KMT2C: variants seen among roughly 807,000 people sequenced by gnomAD.
The protein encoded by KMT2C is lysine methyltransferase 2C, also known as histone-lysine N-methyltransferase 2C.
Under a neutral mutation model 507.9 loss-of-function variants are expected in KMT2C, and 88 were observed. The ratio of observed to expected loss-of-function variants is 0.17; its 90% CI spans 0.15 to 0.21. The LOEUF (loss-of-function observed/expected upper bound fraction) is 0.21. KMT2C is among the 10% of genes least tolerant of loss of function. The pLI, the probability that KMT2C is intolerant of heterozygous loss-of-function variation, is 1.00. For missense variants in KMT2C, 4,954 were observed against 5,957.8 expected, an observed-to-expected ratio of 0.83 and a Z score of 5.55; for synonymous variants, 2,049 against 2,080.8, an observed-to-expected ratio of 0.98 and a Z score of 0.42.
chr7:152,147,717 A>AG (rs1473258417), intron 52 of KMT2C, among the ~76,000 whole-genome samples: 1 of 148,358 alleles, frequency 6.7e-6, no homozygotes, highest in Non-Finnish European at 1.5e-5. Flanking sequence ...CAAAAAAAAA[A>AG]AAAAAAAAAA....
At chr7:152,292,679 C>T (rs921389572) in intron 6 of KMT2C, among the ~76,000 whole-genome samples, 5 of 152,140 alleles carry the variant, frequency 3.3e-5, no homozygotes, top group African/African-American at 1.2e-4. Context: ...TTTGCTGACA[C>T]CTCCATCCAC....
rs1053583062 is a variant in KMT2C at position 152,181,459 on chromosome 7, G to A, written c.6401C>T (p.Pro2134Leu). 4 of 1,613,956 alleles carry A rather than the reference G, an allele frequency of 2.5e-6. No individual in the cohort carries two copies. The highest frequency in any genetic ancestry group is 3.4e-6 in the Non-Finnish European group (4 of 1,180,024). ...RPTSQDPYSQ[P>L]PGTPRPVVDS... The stretch of plus-strand genomic sequence containing the variant: ...TACAACAGGTCGTGGAGTTCCTGGG[G>A]GTTGGGAGTATGGGTCCTGAGATGT... Residue 2134 changes from proline to leucine, a missense_variant, in exon 36 of 59, where the codon CCC becomes CTC. This residue lies in a region of KMT2C where 1,689 missense variants were observed against 1,654.3 expected (regional missense o/e 1.02). Transcript: ENST00000262189.
rs1489591955 is a variant in KMT2C at position 152,136,849 on chromosome 7, G to T, written c.14719C>A (p.Arg4907=). ...IPCHCGAVNC[R]KWMN is the part of the protein sequence containing the mutation. ...AATGCATTTCAGTTCATCCACTTCC[G>T]GCAGTTCACAGCTCCACAGTGACAC... Residue 4907 remains arginine (R), a synonymous_variant, in exon 59 of 59, where the codon CGG becomes AGG. Coordinates refer to ENST00000262189, the MANE Select transcript of KMT2C (RefSeq NM_170606.3). The T allele has an allele frequency of 6.2e-7, 1 of 1,613,186 alleles. No homozygotes were observed. The highest frequency in any genetic ancestry group is 8.5e-7 in the Non-Finnish European group (1 of 1,179,678).
At chr7:152,169,602 T>C (rs2092872990) in intron 40 of KMT2C, among the ~76,000 whole-genome samples, 1 of 152,226 alleles carries the variant, frequency 6.6e-6, no homozygotes, top group Non-Finnish European at 1.5e-5. Context: ...GTTTACCTGG[T>C]TTCTTCTTCA....
chr7:152,204,954 A>G (rs905156558), intron 25 of KMT2C, 152 bp downstream of exon 25: 4 of 535,534 alleles, frequency 7.5e-6, no homozygotes, highest in African/African-American at 1.9e-5. Context: ...CCTTTCATCA[A>G]TAAAAGGCAA....
At chr7:152,431,773 T>C (rs1400875443) in intron 1 of KMT2C, among the ~76,000 whole-genome samples, 1 of 152,152 alleles carries the variant, frequency 6.6e-6, no homozygotes, top group Non-Finnish European at 1.5e-5. Context: ...ATATCAAAAA[T>C]TTTATCAGAT....
Position 152,177,517 on chromosome 7 carries a change from T to G in KMT2C, c.7936A>C (p.Met2646Leu), listed in dbSNP as rs2093256497. 2.5e-6 allele frequency: 4 copies of G among 1,614,226 alleles called. No homozygotes were observed. The highest frequency in any genetic ancestry group is 3.4e-6 in the Non-Finnish European group (4 of 1,180,040). Residue 2646 changes from methionine (M) to leucine (L), a missense_variant, in exon 38 of 59, where the codon ATG becomes CTG. By Grantham distance (15) the Met-to-Leu change is conservative. Around this residue, in one of 29 missense-constraint regions of KMT2C, gnomAD observed 1,689 missense variants for 1,654.3 expected, o/e 1.02. Transcript: ENST00000262189. The stretch of plus-strand genomic sequence containing the variant: ...CCTAGTGGATGGTTCAGAGTCCTCA[T>G]GACCATAGAAGATGAATGGACAGAA... ...GHSVHSSSMV[M>L]RTLNHPLGGE... is the part of the protein sequence containing the mutation.
At chr7:152,319,699 C>T (rs570707525) in intron 3 of KMT2C, among the ~76,000 whole-genome samples, 4 of 152,162 alleles carry the variant, frequency 2.6e-5, no homozygotes, top group African/African-American at 4.8e-5. Flanking sequence ...GCAGTGGTCA[C>T]GCTCCTAGTC....
intron 9 of KMT2C, among the ~76,000 whole-genome samples, chr7:152,261,689 T>C (rs2095781799): frequency 6.6e-6 from 1 of 152,190 alleles, no homozygotes; most frequent in Non-Finnish European, 1.5e-5. Context: ...AAACTTATAG[T>C]CTTAAATGTC....
At chr7:152,291,549 A>T (rs373653919) in intron 6 of KMT2C, among the ~76,000 whole-genome samples, 12 of 149,096 alleles carry the variant, frequency 8.0e-5, no homozygotes, top group East Asian at 4.0e-4. Context: ...ATCTTAGCGG[A>T]TTCCACTTCA....
intron 2 of KMT2C, among the ~76,000 whole-genome samples, chr7:152,348,432 T>C (rs1424378021): frequency 6.7e-6 from 1 of 149,784 alleles, no homozygotes; most frequent in Non-Finnish European, 1.5e-5. Flanking sequence ...CCCCGTATCT[T>C]CTAAAAATAC....
At chr7:152,357,455 C>T (rs2097161586) in intron 2 of KMT2C, among the ~76,000 whole-genome samples, 1 of 152,020 alleles carries the variant, frequency 6.6e-6, no homozygotes, top group South Asian at 2.1e-4. Context: ...ACCTGTGAAT[C>T]CAGGAGGCAG....
chr7:152,368,685 G>A (rs1022682087), intron 1 of KMT2C: 16 of 1,420,600 alleles, frequency 1.1e-5, no homozygotes, highest in African/African-American at 8.5e-5. Context: ...CACCAGTTAC[G>A]TATTAGTTGC....
Position 152,282,268 on chromosome 7 carries a change from G to T in KMT2C, c.850-8401C>A, listed in dbSNP as rs555000347. Among the ~76,000 whole-genome samples, 14 of 151,060 alleles carry T rather than the reference G, an allele frequency of 9.3e-5. No homozygotes were observed. The East Asian group carries it at 2.7e-3, about 29-fold the overall frequency. ...GCCAAGATTGCGCCACTGCACTCCA[G>T]CCTGGGTGACAGAGCTGGACCTTGT... On this transcript the variant is annotated intron_variant, in intron 6 of 58. Coordinates refer to ENST00000262189, the MANE Select transcript of KMT2C (RefSeq NM_170606.3).
chr7:152,333,641 CTT>C (rs1055854691), intron 2 of KMT2C, among the ~76,000 whole-genome samples: 4 of 152,066 alleles, frequency 2.6e-5, no homozygotes, highest in African/African-American at 9.7e-5. Context: ...TGACTTCCCT[CTT>C]TAAAAAAAGA....
At chr7:152,419,276 G>C (rs1019457445) in intron 1 of KMT2C, among the ~76,000 whole-genome samples, 4 of 152,032 alleles carry the variant, frequency 2.6e-5, no homozygotes, top group African/African-American at 9.7e-5. Flanking sequence ...ACTTGAACTC[G>C]GGAGGCGGAG....
intron 46 of KMT2C, among the ~76,000 whole-genome samples, chr7:152,155,422 A>G (rs1386902813): frequency 6.6e-6 from 1 of 152,206 alleles, no homozygotes; most frequent in African/African-American, 2.4e-5. Context: ...CTCCCCAATT[A>G]GAATCTTACA....
chr7:152,349,545 T>A (rs969381099), intron 2 of KMT2C, among the ~76,000 whole-genome samples: 1 of 152,022 alleles, frequency 6.6e-6, no homozygotes, highest in African/African-American at 2.4e-5. Context: ...AGACTACATA[T>A]CCTATATGAT....
At chr7:152,374,338 A>G (rs1174205724) in intron 1 of KMT2C, among the ~76,000 whole-genome samples, 2 of 151,630 alleles carry the variant, frequency 1.3e-5, no homozygotes, top group Non-Finnish European at 2.9e-5. Context: ...TAATAATAAT[A>G]ATAATTAATA....
Sources: allele counts gnomAD v4.1 joint callset (sites outside exome capture counted in the v4.1 genomes callset), GRCh38; gene constraint gnomAD v4.1.1; regional missense constraint gnomAD v4.1.1; transcripts MANE v1.5; gene names NCBI Gene and HGNC (gene_info 2026-07-23, HGNC 2026-07-21).